The following ZFP1 variants were observed in gnomAD, a reference collection of about 807,000 sequenced individuals.
ZFP1 encodes ZFP1 zinc finger protein, also known as zinc finger protein 1 homolog.
ZFP1 carries 32 observed loss-of-function variants against 38.5 expected under a neutral mutation model. The observed-to-expected ratio is 0.83, with a 90% CI of 0.63 to 1.12. The LOEUF (loss-of-function observed/expected upper bound fraction) is 1.12. ZFP1 is among the 50% of genes most tolerant of loss of function. The pLI is 0.00. For synonymous variants in ZFP1, 245 were observed against 168.8 expected (o/e 1.45, Z -3.50); for missense variants, 616 against 480.8 (o/e 1.28, Z -2.63).
the ZFP1 span, among the ~76,000 whole-genome samples, chr16:75,138,024 C>CTTTTTTTTTTTT: frequency 7.7e-5 from 5 of 64,974 alleles, no homozygotes; most frequent in African/African-American, 3.0e-4. Flanking sequence ...CTCCCACTTC[C>CTTTTTTTTTTTT]TTTTTTTTTT....
At chr16:75,124,456 G>T in the ZFP1 span, among the ~76,000 whole-genome samples, 1 of 141,780 alleles carries the variant, frequency 7.1e-6, no homozygotes, top group Non-Finnish European at 1.5e-5. Flanking sequence ...CACCACGCCC[G>T]GCTTCAAAGC....
chr16:75,131,846 T>C, the ZFP1 span, among the ~76,000 whole-genome samples: 1 of 151,940 alleles, frequency 6.6e-6, no homozygotes, highest in African/African-American at 2.4e-5. Context: ...ACACCTGTAA[T>C]CTCAGCTACT....
At chr16:75,163,556 C>A (rs2037899024) in intron 2 of ZFP1, among the ~76,000 whole-genome samples, 1 of 151,938 alleles carries the variant, frequency 6.6e-6, no homozygotes, top group South Asian at 2.1e-4. Flanking sequence ...AGGTGATCCA[C>A]CTGCGTCGGC....
At position 75,166,827 on chromosome 16, in the gene ZFP1, C is replaced by G; in HGVS notation, c.73C>G (p.Leu25Val). 6.2e-7 allele frequency: 1 copy of G among 1,614,164 alleles called. No individual in the cohort carries two copies. Among genetic ancestry groups the G allele is most frequent in the Non-Finnish European group, 8.5e-7 (1 of 1,180,020 alleles). The change falls in exon 3 of 4, where the codon CTG becomes GTG. Residue 25 changes from leucine (L) to valine (V), a missense_variant. Physicochemically the swap from Leu to Val is conservative, Grantham distance 32 (BLOSUM62 1). Transcript: ENST00000570010. ...CTTTACCCAGGAGGAATGGGAACAACTGGACCCCTCTCAGAGGATCCTATA... is the reference window on the plus strand; with the variant it reads ...CTTTACCCAGGAGGAATGGGAACAAGTGGACCCCTCTCAGAGGATCCTATA... Reference protein sequence around the residue: ...VDFTQEEWEQLDPSQRILYMD... With the variant: ...VDFTQEEWEQVDPSQRILYMD...
At chr16:75,130,496 G>A in the ZFP1 span, among the ~76,000 whole-genome samples, 3 of 152,100 alleles carry the variant, frequency 2.0e-5, no homozygotes, top group Non-Finnish European at 4.4e-5. Context: ...GTTCCTAGAA[G>A]GTCATATATC....
At position 75,169,534 on chromosome 16, in the gene ZFP1, C is replaced by T. The variant is rs2038304133; in HGVS notation, c.424C>T (p.Leu142Phe). 4 of 1,612,728 alleles carry T rather than the reference C, an allele frequency of 2.5e-6. No homozygotes were observed. The African/African-American group carries it at 4.0e-5, about 16-fold the overall frequency. ...GTGTAATGAATTTGGAAAAGCACTT[C>T]TCTACCTGAAGCAAGAGAAAACCCA... ...DECNEFGKAL[L>F]YLKQEKTHSG... Residue 142 changes from leucine (L) to phenylalanine (F), a missense_variant, in exon 4 of 4, where the codon CTC becomes TTC. Coordinates refer to ENST00000570010, the MANE Select transcript of ZFP1 (RefSeq NM_153688.4).
intron 2 of ZFP1, among the ~76,000 whole-genome samples, chr16:75,164,609 T>C (rs953588061): frequency 1.3e-5 from 2 of 152,182 alleles, no homozygotes; most frequent in African/African-American, 4.8e-5. Context: ...ACATCTATTA[T>C]GTACTAGTCA....
At chr16:75,167,324 A>G (rs371148108) in intron 3 of ZFP1, among the ~76,000 whole-genome samples, 1 of 152,142 alleles carries the variant, frequency 6.6e-6, no homozygotes, top group African/African-American at 2.4e-5. Context: ...ACACTTAAGT[A>G]TAGCTGAGGA....
At chr16:75,140,415 A>G in the ZFP1 span, among the ~76,000 whole-genome samples, 3 of 152,182 alleles carry the variant, frequency 2.0e-5, no homozygotes, top group Non-Finnish European at 2.9e-5. Flanking sequence ...CAAAAAGAAA[A>G]AAAATTGAAA....
rs528274820 is a variant in ZFP1, at chr16:75,151,527, G to T, written c.-43-1382G>T. On this transcript the variant is annotated intron_variant, in intron 1 of 3. Coordinates refer to ENST00000570010, the MANE Select transcript of ZFP1 (RefSeq NM_153688.4). ...TTTGTAAAAATTTAACAGAGTTTTT[G>T]GTTGTTACCCTAAAGTTTAGTGGAA... Among the ~76,000 whole-genome samples the T allele has an allele frequency of 6.9e-4, 104 of 151,750 alleles. No homozygotes were observed. In the South Asian group the frequency reaches 0.021, roughly 30 times the overall value.
At chr16:75,134,829 G>A in the ZFP1 span, among the ~76,000 whole-genome samples, 25 of 151,842 alleles carry the variant, frequency 1.6e-4, no homozygotes, top group African/African-American at 2.4e-4. Flanking sequence ...AGGCCGAGGC[G>A]GGCGGATCAC....
chr16:75,150,995 C>T (rs1052679036), intron 1 of ZFP1, among the ~76,000 whole-genome samples: 20 of 152,008 alleles, frequency 1.3e-4, no homozygotes, highest in Non-Finnish European at 4.4e-5. Flanking sequence ...GTAGCTAGGA[C>T]TCAAGGTGTG....
chr16:75,149,507 G>A (rs1487050964), intron 1 of ZFP1, among the ~76,000 whole-genome samples: 16 of 149,738 alleles, frequency 1.1e-4, no homozygotes, highest in Non-Finnish European at 2.2e-4. Flanking sequence ...GTGGTCCTAT[G>A]TGATTGTAAT....
chr16:75,126,874 A>G, the ZFP1 span, among the ~76,000 whole-genome samples: 5 of 152,354 alleles, frequency 3.3e-5, no homozygotes, highest in African/African-American at 1.2e-4. Context: ...CAAAAATGAC[A>G]TATTTGGCTT....
rs537026899 is a variant in ZFP1, at chr16:75,170,632, T to C, written c.*298T>C. ...ATTCTAGACAGCAGCATAAGAAATA[T>C]ACAAACAGTATCCTATGAATTTAGT... On this transcript the variant is annotated 3_prime_UTR_variant, in exon 4 of 4. Coordinates refer to ENST00000570010, the MANE Select transcript of ZFP1 (RefSeq NM_153688.4). 37 of 268,280 alleles carry C rather than the reference T, an allele frequency of 1.4e-4. No homozygotes were observed. Among genetic ancestry groups the C allele is most frequent in the African/African-American group, 6.6e-4 (30 of 45,634 alleles). The allele number at this position is 268,280 out of a possible 1,614,324, so 16.6% of individuals were successfully genotyped here. A position where few individuals can be genotyped will look rare whatever the true frequency, so the allele number is the denominator to read the frequency against.
Position 75,169,403 on chromosome 16 carries a change from C to CT in ZFP1, c.296dup (p.Leu99PhefsTer7). On this transcript the variant is annotated frameshift_variant, in exon 4 of 4. Coordinates refer to ENST00000570010, the MANE Select transcript of ZFP1 (RefSeq NM_153688.4). LOFTEE classifies it high-confidence loss of function. Reference sequence around the variant, plus strand: ...CTTAATCTGAACACAGACTTTGTTTCTTTAAGACAAGTACCTTATAAATAT... The same window carrying CT: ...CTTAATCTGAACACAGACTTTGTTTCTTTTAAGACAAGTACCTTATAAATAT... 1 of 1,614,088 alleles carries CT rather than the reference C, an allele frequency of 6.2e-7. No individual in the cohort carries two copies. The highest frequency in any genetic ancestry group is 8.5e-7 in the Non-Finnish European group (1 of 1,180,012).
the ZFP1 span, among the ~76,000 whole-genome samples, chr16:75,127,098 A>G: frequency 1.3e-5 from 2 of 152,220 alleles, no homozygotes; most frequent in Admixed American, 6.5e-5. Context: ...TTTCCTTGCC[A>G]ATTGTATCTT....
chr16:75,142,507 C>G, the ZFP1 span, among the ~76,000 whole-genome samples: 2 of 152,192 alleles, frequency 1.3e-5, no homozygotes, highest in African/African-American at 4.8e-5. Context: ...ACTGTTGTCA[C>G]TCACCAATCT....
chr16:75,126,140 A>C, the ZFP1 span: 1 of 151,112 alleles, frequency 6.6e-6, no homozygotes. Flanking sequence ...TCTTTTAATT[A>C]ATTAACTAAT....
Sources: allele counts gnomAD v4.1 joint callset (sites outside exome capture counted in the v4.1 genomes callset), GRCh38; gene constraint gnomAD v4.1.1; transcripts MANE v1.5; gene names NCBI Gene and HGNC (gene_info 2026-07-23, HGNC 2026-07-21).